The following MAP2K5 variants were observed in gnomAD, a reference collection of about 807,000 sequenced individuals.
MAP2K5 encodes mitogen-activated protein kinase kinase 5, also known as dual specificity mitogen-activated protein kinase kinase 5.
Under a neutral mutation model 83.1 loss-of-function variants are expected in MAP2K5, and 49 were observed. The ratio of observed to expected loss-of-function variants is 0.59; its 90% CI spans 0.47 to 0.75. The LOEUF (loss-of-function observed/expected upper bound fraction) is 0.75. Ranked by LOEUF, MAP2K5 falls within the 30% of genes least tolerant of loss-of-function variation. The pLI is 0.00. For missense variants in MAP2K5, 457 were observed against 557.5 expected, an observed-to-expected ratio of 0.82 and a Z score of 1.82; for synonymous variants, 202 against 191.8, an observed-to-expected ratio of 1.05 and a Z score of -0.44.
chr15:67,683,975 C>T (rs1409183536), intron 13 of MAP2K5, among the ~76,000 whole-genome samples: 1 of 152,144 alleles, frequency 6.6e-6, no homozygotes, highest in Non-Finnish European at 1.5e-5. Flanking sequence ...AAGCTGTCTG[C>T]ACAGAAACCC....
chr15:67,711,467 T>G (rs1408732048), intron 16 of MAP2K5, among the ~76,000 whole-genome samples: 1 of 152,262 alleles, frequency 6.6e-6, no homozygotes, highest in Non-Finnish European at 1.5e-5. Context: ...ATGGGAGATC[T>G]ATTTCAGAGC....
Position 67,586,803 on chromosome 15 carries a change from C to T in MAP2K5, c.364-43C>T, listed in dbSNP as rs180999525. ...AATTATAGGTTAATTAGAACTGTGTCCTCAGAACACAAGACTGATCAAGAT... is the reference window on the plus strand; with the variant it reads ...AATTATAGGTTAATTAGAACTGTGTTCTCAGAACACAAGACTGATCAAGAT... On this transcript the variant is annotated intron_variant, in intron 5 of 21. Coordinates refer to ENST00000178640, the MANE Select transcript of MAP2K5 (RefSeq NM_145160.3). The T allele has an allele frequency of 1.4e-4, 214 of 1,546,780 alleles. 2 individuals are homozygous for T. In the East Asian group the frequency reaches 1.7e-3, roughly 12 times the overall value.
intron 1 of MAP2K5, 57 bp from the exon 2 acceptor site, chr15:67,549,977 A>G: frequency 1.6e-6 from 2 of 1,288,488 alleles, no homozygotes; most frequent in Non-Finnish European, 2.3e-6. Flanking sequence ...AGGATTTGCC[A>G]CATGTTAGCA....
rs752533765 is a variant in MAP2K5, at chr15:67,794,860, C to T, written c.1243-11786C>T. 2.6e-5 allele frequency among the ~76,000 whole-genome samples: 4 copies of T among 152,216 alleles called. No homozygotes were observed. The highest frequency in any genetic ancestry group is 5.9e-5 in the Non-Finnish European group (4 of 68,046). ...TGTTACTAAGATTTTAAAGGGGTAG[C>T]AGCCTTTACTTAATTGGCTGCTTCT... On this transcript the variant is annotated intron_variant, in intron 21 of 21. Coordinates refer to ENST00000178640, the MANE Select transcript of MAP2K5 (RefSeq NM_145160.3). This position sits in a 1 kb window ranked among gnomAD's most constrained non-coding sequence, Gnocchi z 4.6.
intron 17 of MAP2K5, among the ~76,000 whole-genome samples, chr15:67,743,984 C>T (rs1452780233): frequency 6.6e-6 from 1 of 152,206 alleles, no homozygotes; most frequent in Non-Finnish European, 1.5e-5. Flanking sequence ...TGGACAGTCT[C>T]CTAACCCAGC....
intron 7 of MAP2K5, among the ~76,000 whole-genome samples, chr15:67,593,708 C>T (rs2085464609): frequency 6.6e-6 from 1 of 152,244 alleles, no homozygotes; most frequent in Non-Finnish European, 1.5e-5. Flanking sequence ...TGCGATCAAG[C>T]CTGCCTATTA....
intron 8 of MAP2K5, chr15:67,629,211 T>C: frequency 1.5e-6 from 1 of 645,400 alleles, no homozygotes; most frequent in Non-Finnish European, 2.9e-6. Flanking sequence ...TACAACAGAT[T>C]TGTGAACTCA....
At position 67,558,270 on chromosome 15, in the gene MAP2K5, T is replaced by G. The variant is rs75649656; in HGVS notation, c.185-5013T>G. Among the ~76,000 whole-genome samples, 1,141 of 152,292 alleles carry G rather than the reference T, an allele frequency of 7.5e-3. 12 individuals are homozygous for G. Among genetic ancestry groups the G allele is most frequent in the African/African-American group, 0.024 (1,009 of 41,544 alleles). On this transcript the variant is annotated intron_variant, in intron 2 of 21. Coordinates refer to ENST00000178640, the MANE Select transcript of MAP2K5 (RefSeq NM_145160.3). ...TGTGTTTCTGGAATGCATGGATGGT[T>G]GAAGAGTGAAGTAATAAGGATAAGC...
Position 67,602,213 on chromosome 15 carries a change from A to AT in MAP2K5, c.545+1469dup, listed in dbSNP as rs566128582. ...TTCTCTTCCTTACGATCTGACTTAG[A>AT]TTTTTCCTGTGTTCTGAAGGTACTT... On this transcript the variant is annotated intron_variant, in intron 8 of 21. Coordinates refer to ENST00000178640, the MANE Select transcript of MAP2K5 (RefSeq NM_145160.3). Among the ~76,000 whole-genome samples, 17 of 152,238 alleles carry AT rather than the reference A, an allele frequency of 1.1e-4. No homozygotes were observed. In the South Asian group the frequency reaches 1.2e-3, roughly 11 times the overall value.
At chr15:67,691,963 C>T (rs905420624) in intron 13 of MAP2K5, among the ~76,000 whole-genome samples, 1 of 152,144 alleles carries the variant, frequency 6.6e-6, no homozygotes, top group East Asian at 1.9e-4. Context: ...TGTGAAATAG[C>T]AGTACTACAT....
chr15:67,546,494 C>T, intron 1 of MAP2K5: 1 of 678,968 alleles, frequency 1.5e-6, no homozygotes, highest in Non-Finnish European at 1.8e-6. Flanking sequence ...GCTGGGAGAC[C>T]CTGGGCAAGT....
At position 67,550,099 on chromosome 15, in the gene MAP2K5, T is replaced by C; in HGVS notation, c.184+17T>C. ...CATTTGAATGTAAGTCTGGCTTGTATACTTTCTTGACTATTCCTTTCTGCA... is the reference window on the plus strand; with the variant it reads ...CATTTGAATGTAAGTCTGGCTTGTACACTTTCTTGACTATTCCTTTCTGCA... On this transcript the variant is annotated intron_variant, in intron 2 of 21. Transcript: ENST00000178640. 6.2e-7 allele frequency: 1 copy of C among 1,611,222 alleles called. No individual in the cohort carries two copies.
intron 19 of MAP2K5, among the ~76,000 whole-genome samples, chr15:67,753,567 A>G (rs570080077): frequency 7.2e-5 from 11 of 152,328 alleles, no homozygotes; most frequent in Non-Finnish European, 1.3e-4. Context: ...AAGATAAACA[A>G]ATGGTCAATA....
In MAP2K5 at chr15:67,652,979, A is replaced by G. The variant is rs1265322649; in HGVS notation, c.737-5574A>G. ...GTGTCAGAATTTTCTTCCTTTTAAAAGCTGAATAATATTTGTGATTAGTTT... is the reference window on the plus strand; with the variant it reads ...GTGTCAGAATTTTCTTCCTTTTAAAGGCTGAATAATATTTGTGATTAGTTT... On this transcript the variant is annotated intron_variant, in intron 11 of 21. Transcript: ENST00000178640. The surrounding 1 kb of genome is among the most constrained non-coding windows in gnomAD (Gnocchi z 4.2). Among the ~76,000 whole-genome samples the G allele has an allele frequency of 6.6e-6, 1 of 152,192 alleles. No homozygotes were observed. Among genetic ancestry groups the G allele is most frequent in the Admixed American group, 6.5e-5 (1 of 15,282 alleles).
At position 67,774,002 on chromosome 15, in the gene MAP2K5, A is replaced by G. The variant is rs576111331; in HGVS notation, c.1242+1250A>G. Among the ~76,000 whole-genome samples the G allele has an allele frequency of 5.9e-5, 9 of 152,258 alleles. No homozygotes were observed. Among genetic ancestry groups the G allele is most frequent in the South Asian group, 4.1e-4 (2 of 4,834 alleles). ...TGTAAATGCATGTTTCAATGCTGCA[A>G]TGAGTTGGCCACTTATAAATAAAAC... On this transcript the variant is annotated intron_variant, in intron 21 of 21. Transcript: ENST00000178640. This position sits in a 1 kb window ranked among gnomAD's most constrained non-coding sequence, Gnocchi z 4.9.
At chr15:67,681,366 T>G (rs1303063735) in intron 13 of MAP2K5, among the ~76,000 whole-genome samples, 1 of 152,188 alleles carries the variant, frequency 6.6e-6, no homozygotes, top group Non-Finnish European at 1.5e-5. Flanking sequence ...CACCCACACG[T>G]ACATGTATGC....
intron 17 of MAP2K5, among the ~76,000 whole-genome samples, chr15:67,734,297 T>G (rs985535083): frequency 6.6e-6 from 1 of 152,260 alleles, no homozygotes; most frequent in African/African-American, 2.4e-5. Flanking sequence ...TGTTTTCATT[T>G]AAATGTAAGC....
In MAP2K5 at chr15:67,702,350, A is replaced by G. The variant is rs2088442887; in HGVS notation, c.973-987A>G. Among the ~76,000 whole-genome samples, 1 of 152,226 alleles carries G rather than the reference A, an allele frequency of 6.6e-6. No homozygotes were observed. Among genetic ancestry groups the G allele is most frequent in the African/African-American group, 2.4e-5 (1 of 41,458 alleles). ...CATAATTGTGTTGTTGATGATAGTAATGATGGTGACAATAATGTTATTCCT... is the reference window on the plus strand; with the variant it reads ...CATAATTGTGTTGTTGATGATAGTAGTGATGGTGACAATAATGTTATTCCT... On this transcript the variant is annotated intron_variant, in intron 15 of 21. Transcript: ENST00000178640. The surrounding 1 kb of genome is among the most constrained non-coding windows in gnomAD (Gnocchi z 4.6).
At chr15:67,567,949 A>T (rs2084874136) in intron 3 of MAP2K5, among the ~76,000 whole-genome samples, 1 of 152,070 alleles carries the variant, frequency 6.6e-6, no homozygotes, top group African/African-American at 2.4e-5. Context: ...CTTTTGGGTG[A>T]CCTTTCATTA....
Sources: gnomAD v4.1 joint callset for allele counts (sites outside exome capture counted in the v4.1 genomes callset) on GRCh38, gnomAD v4.1.1 for gene constraint, Gnocchi (gnomAD v3.1) non-coding constraint, MANE v1.5 for transcripts, NCBI Gene and HGNC (gene_info 2026-07-23, HGNC 2026-07-21) for gene names.